The following PDLIM1 variants were observed in gnomAD, a reference collection of about 807,000 sequenced individuals.
The protein encoded by PDLIM1 is PDZ and LIM domain protein 1.
PDLIM1 carries 25 observed loss-of-function variants against 35.2 expected under a neutral mutation model. That is an observed-to-expected ratio of 0.71 (90% CI 0.52 to 0.99). The LOEUF (loss-of-function observed/expected upper bound fraction) is 0.99. Among genes scored for constraint, PDLIM1 ranks in the 50% least tolerant of loss-of-function variants. The probability of loss-of-function intolerance (pLI) is 0.00; values close to 1 mark genes in which losing one functional copy is unlikely to be tolerated. For missense variants in PDLIM1, 363 were observed against 415.3 expected (o/e 0.87, Z 1.09); for synonymous variants, 152 against 154.0 (o/e 0.99, Z 0.10).
intron 1 of PDLIM1, among the ~76,000 whole-genome samples, chr10:95,281,206 A>G (rs1364722456): frequency 6.6e-6 from 1 of 152,136 alleles, no homozygotes; most frequent in African/African-American, 2.4e-5. Context: ...TTATACTCCT[A>G]TAAAATACAT....
chr10:95,279,899 T>G (rs2035545347), intron 1 of PDLIM1, among the ~76,000 whole-genome samples: 1 of 152,184 alleles, frequency 6.6e-6, no homozygotes, highest in Admixed American at 6.5e-5. Flanking sequence ...AAATATTATT[T>G]ACCAGGCAAC....
intron 4 of PDLIM1, among the ~76,000 whole-genome samples, chr10:95,262,982 A>G (rs1401089803): frequency 6.6e-6 from 1 of 151,838 alleles, no homozygotes; most frequent in African/African-American, 2.4e-5. Context: ...AATCTCTACA[A>G]AAAAAAGTAA....
chr10:95,260,142 C>T (rs983215959), intron 4 of PDLIM1, among the ~76,000 whole-genome samples: 4 of 152,212 alleles, frequency 2.6e-5, no homozygotes, highest in African/African-American at 9.6e-5. Context: ...GCTGAGTGCT[C>T]TGTGCACATC....
At chr10:95,269,012 A>C (rs1022239585) in intron 2 of PDLIM1, 150 bp from the exon 3 acceptor site, 2 of 633,962 alleles carry the variant, frequency 3.2e-6, no homozygotes, top group Non-Finnish European at 5.7e-6. Context: ...CACCAGGTTG[A>C]TCTTTTAAAC....
intron 1 of PDLIM1, among the ~76,000 whole-genome samples, chr10:95,289,436 C>T (rs1007298952): frequency 1.3e-5 from 2 of 152,074 alleles, no homozygotes; most frequent in Non-Finnish European, 2.9e-5. Flanking sequence ...CTCTGTGGGA[C>T]GAGGCAAACA....
intron 2 of PDLIM1, among the ~76,000 whole-genome samples, chr10:95,271,153 G>T (rs973853828): frequency 6.6e-6 from 1 of 151,714 alleles, no homozygotes; most frequent in Non-Finnish European, 1.5e-5. Context: ...AAATCAGAGG[G>T]GGGCTGGGCA....
In PDLIM1 at chr10:95,290,098, G is replaced by C. The variant is rs1170945103; in HGVS notation, c.96+722C>G. On this transcript the variant is annotated intron_variant, in intron 1 of 6. Coordinates refer to ENST00000329399, the MANE Select transcript of PDLIM1 (RefSeq NM_020992.4). The surrounding 1 kb of genome is among the most constrained non-coding windows in gnomAD (Gnocchi z 4.7). ...TTCAAGCACCTCAACCCCACCCCAGGTGGACACCCCATCGCAGTATCTACT... is the reference window on the plus strand; with the variant it reads ...TTCAAGCACCTCAACCCCACCCCAGCTGGACACCCCATCGCAGTATCTACT... Among the ~76,000 whole-genome samples the C allele has an allele frequency of 6.6e-6, 1 of 152,032 alleles. No individual in the cohort carries two copies. Among genetic ancestry groups the C allele is most frequent in the Non-Finnish European group, 1.5e-5 (1 of 68,000 alleles).
In PDLIM1 at chr10:95,238,700, A is replaced by G. The variant is rs768352607; in HGVS notation, c.686-15T>C. On this transcript the variant is annotated splice_polypyrimidine_tract_variant and intron_variant, in intron 5 of 6. Transcript: ENST00000329399. Reference sequence around the variant, plus strand: ...GTTGGGATCCCCTGAAATGAGGAAAACACTGTCATTGGCCAGGAAGGGCAG... The same window carrying G: ...GTTGGGATCCCCTGAAATGAGGAAAGCACTGTCATTGGCCAGGAAGGGCAG... 1.3e-6 allele frequency: 2 copies of G among 1,520,736 alleles called. No individual in the cohort carries two copies. Among genetic ancestry groups the G allele is most frequent in the Non-Finnish European group, 1.8e-6 (2 of 1,095,134 alleles). The allele number at this position is 1,520,736 out of a possible 1,614,324, so 94.2% of individuals were successfully genotyped here.
At chr10:95,256,985 AAAAAGAAAGAAAG>A (rs1369695802) in intron 4 of PDLIM1, among the ~76,000 whole-genome samples, 25 of 119,286 alleles carry the variant, frequency 2.1e-4, no homozygotes, top group Admixed American at 1.8e-3. Flanking sequence ...AAAAAAAAAA[AAAAAGAAAGAAAG>A]AAAGAAAGAA....
At chr10:95,263,031 G>T (rs773056028) in intron 4 of PDLIM1, among the ~76,000 whole-genome samples, 1 of 152,042 alleles carries the variant, frequency 6.6e-6, no homozygotes, top group Non-Finnish European at 1.5e-5. Flanking sequence ...TGTAGTACCA[G>T]CTACTCAGGA....
chr10:95,252,841 T>C (rs1296651369), intron 4 of PDLIM1, among the ~76,000 whole-genome samples: 4 of 151,442 alleles, frequency 2.6e-5, no homozygotes, highest in Admixed American at 6.6e-5. Flanking sequence ...TTCAAGATCA[T>C]AGAAAAATAG....
intron 1 of PDLIM1, among the ~76,000 whole-genome samples, chr10:95,288,801 A>G (rs2035624405): frequency 1.3e-5 from 2 of 152,214 alleles, no homozygotes; most frequent in South Asian, 4.1e-4. Flanking sequence ...CCACTTTTCA[A>G]TTAAAGCACC....
intron 5 of PDLIM1, among the ~76,000 whole-genome samples, chr10:95,241,495 A>G (rs1323706516): frequency 2.0e-5 from 3 of 152,164 alleles, no homozygotes; most frequent in Non-Finnish European, 1.5e-5. Flanking sequence ...CGATTGTCAC[A>G]GTGAAAGGGG....
intron 1 of PDLIM1, among the ~76,000 whole-genome samples, chr10:95,278,464 C>T (rs2133438786): frequency 6.6e-6 from 1 of 152,164 alleles, no homozygotes; most frequent in South Asian, 2.1e-4. Flanking sequence ...GGGAGACAAG[C>T]ATGTACAACA....
At chr10:95,272,254 T>C (rs796290234) in intron 1 of PDLIM1, among the ~76,000 whole-genome samples, 65 of 152,294 alleles carry the variant, frequency 4.3e-4, no homozygotes, top group African/African-American at 1.5e-3. Flanking sequence ...TATACTATAA[T>C]ACCCTATTTC....
intron 4 of PDLIM1, among the ~76,000 whole-genome samples, chr10:95,257,057 G>A (rs1229244045): frequency 5.2e-5 from 6 of 114,370 alleles, no homozygotes; most frequent in African/African-American, 1.1e-4. Flanking sequence ...ATAGATTAAA[G>A]ACCAACATAA....
At chr10:95,238,503 T>G in intron 6 of PDLIM1, 65 bp downstream of exon 6, 1 of 1,020,002 alleles carries the variant, frequency 9.8e-7, no homozygotes, top group Non-Finnish European at 1.6e-6. Flanking sequence ...ATCCAGCACT[T>G]TCCACATTTT....
At chr10:95,270,625 T>C (rs1326558128) in intron 2 of PDLIM1, among the ~76,000 whole-genome samples, 2 of 152,196 alleles carry the variant, frequency 1.3e-5, no homozygotes, top group Non-Finnish European at 2.9e-5. Context: ...CCAGCGCTCC[T>C]TGCTTGTCAT....
intron 4 of PDLIM1, among the ~76,000 whole-genome samples, chr10:95,257,309 GC>G (rs1324808163): frequency 2.0e-5 from 3 of 151,780 alleles, no homozygotes; most frequent in Non-Finnish European, 2.9e-5. Flanking sequence ...AGCAACAAAA[GC>G]AAAAATAAAC....
Sources: gnomAD v4.1 joint callset for allele counts (sites outside exome capture counted in the v4.1 genomes callset) on GRCh38, gnomAD v4.1.1 for gene constraint, Gnocchi (gnomAD v3.1) non-coding constraint, MANE v1.5 for transcripts, NCBI Gene and HGNC (gene_info 2026-07-23, HGNC 2026-07-21) for gene names.